CTNNBL1: variants seen among roughly 807,000 people sequenced by gnomAD.
The protein encoded by CTNNBL1 is beta-catenin-like protein 1.
In CTNNBL1, 31 loss-of-function variants were observed where a neutral mutation model predicts 72.7. The ratio of observed to expected loss-of-function variants is 0.43; its 90% CI spans 0.32 to 0.58. CTNNBL1 has a LOEUF of 0.58. Among genes scored for constraint, CTNNBL1 ranks in the 20% least tolerant of loss-of-function variants. CTNNBL1 has a pLI of 0.08. For synonymous variants in CTNNBL1, 240 were observed against 267.3 expected, an observed-to-expected ratio of 0.90 and a Z score of 1.00; for missense variants, 534 against 725.1, an observed-to-expected ratio of 0.74 and a Z score of 3.03.
chr20:37,746,716 G>A, intron 4 of CTNNBL1, 109 bp downstream of exon 4: 6 of 1,334,964 alleles, frequency 4.5e-6, no homozygotes, highest in Non-Finnish European at 6.5e-6. Flanking sequence ...CTGATGTTCT[G>A]TTTCCATTCT....
intron 6 of CTNNBL1, 28 bp from the exon 7 acceptor site, chr20:37,767,925 C>T (rs1336088141): frequency 1.3e-6 from 2 of 1,597,074 alleles, no homozygotes. Context: ...GTTGTCCTCC[C>T]AAATGACTGG....
At chr20:37,784,267 G>A (rs1444485002) in intron 10 of CTNNBL1, among the ~76,000 whole-genome samples, 2 of 152,046 alleles carry the variant, frequency 1.3e-5, no homozygotes, top group African/African-American at 2.4e-5. Flanking sequence ...TTTCTTGTAG[G>A]CAATGGATTG....
At position 37,702,382 on chromosome 20, in the gene CTNNBL1, GGTT is replaced by G. The variant is rs538266581; in HGVS notation, c.30+8242_30+8244del. Among the ~76,000 whole-genome samples the G allele has an allele frequency of 2.0e-4, 30 of 152,092 alleles. No homozygotes were observed. The South Asian group carries it at 5.4e-3, about 27-fold the overall frequency. On this transcript the variant is annotated intron_variant, in intron 1 of 15. Transcript: ENST00000361383. ...AGTTTTTCTGTTATATGGGTTTTTTGGTTGTTGTTGTTGTGTGTATAAGAAACA... is the reference window on the plus strand; with the variant it reads ...AGTTTTTCTGTTATATGGGTTTTTTGGTTGTTGTTGTGTGTATAAGAAACA...
intron 13 of CTNNBL1, among the ~76,000 whole-genome samples, chr20:37,854,591 T>TATTATG (rs1198742097): frequency 6.0e-5 from 8 of 133,626 alleles, no homozygotes; most frequent in Non-Finnish European, 1.3e-4. Context: ...TTATTATTAT[T>TATTATG]ATTATTATTA....
chr20:37,797,752 G>A (rs1423172884), intron 10 of CTNNBL1, among the ~76,000 whole-genome samples: 4 of 152,108 alleles, frequency 2.6e-5, no homozygotes, highest in Non-Finnish European at 5.9e-5. Flanking sequence ...ACTGTGGCAA[G>A]CATAATCTTT....
intron 11 of CTNNBL1, among the ~76,000 whole-genome samples, chr20:37,833,755 G>T (rs528596229): frequency 6.6e-6 from 1 of 152,306 alleles, no homozygotes; most frequent in South Asian, 2.1e-4. Flanking sequence ...TTGGCCAGCA[G>T]ATAAACCTGT....
At chr20:37,841,112 G>C (rs4811194) in intron 12 of CTNNBL1, among the ~76,000 whole-genome samples, 120,598 of 152,240 alleles carry the variant, frequency 0.79, 47,885 homozygotes, top group Middle Eastern at 0.89. Context: ...TGCATATATT[G>C]TTACAACACT....
chr20:37,781,365 C>T (rs1003484877), intron 10 of CTNNBL1, among the ~76,000 whole-genome samples: 1 of 152,102 alleles, frequency 6.6e-6, no homozygotes, highest in Non-Finnish European at 1.5e-5. Context: ...TATATTTCTG[C>T]AGCATATGGC....
At chr20:37,773,197 C>G (rs2073541083) in intron 7 of CTNNBL1, among the ~76,000 whole-genome samples, 2 of 152,164 alleles carry the variant, frequency 1.3e-5, no homozygotes, top group South Asian at 4.1e-4. Flanking sequence ...TTCTTAGCCT[C>G]TATGACCAGA....
intron 15 of CTNNBL1, among the ~76,000 whole-genome samples, chr20:37,862,469 C>A (rs1388120041): frequency 1.3e-5 from 2 of 152,206 alleles, no homozygotes; most frequent in Non-Finnish European, 2.9e-5. Flanking sequence ...AACCCTGCCA[C>A]ACACACCCTA....
intron 13 of CTNNBL1, among the ~76,000 whole-genome samples, chr20:37,858,793 A>G (rs995749834): frequency 6.6e-6 from 1 of 152,118 alleles, no homozygotes; most frequent in African/African-American, 2.4e-5. Flanking sequence ...CAAGTCTGAG[A>G]GGTCTAGGGT....
intron 10 of CTNNBL1, among the ~76,000 whole-genome samples, chr20:37,785,942 C>G (rs1243300151): frequency 6.6e-6 from 1 of 152,228 alleles, no homozygotes; most frequent in Non-Finnish European, 1.5e-5. Context: ...TCTTTGGTCA[C>G]AGCAGCTGTG....
chr20:37,834,623 T>C (rs1210274664), intron 11 of CTNNBL1, among the ~76,000 whole-genome samples: 3 of 152,202 alleles, frequency 2.0e-5, no homozygotes, highest in African/African-American at 7.2e-5. Flanking sequence ...GCATTGATGA[T>C]TGCCTTTTAT....
In CTNNBL1 at chr20:37,694,077, C is replaced by G. The variant is rs753342359; in HGVS notation, c.-46C>G. ...GAGCCGCGGCTGACGGGCCCGCGGT[C>G]TGGGCGTGAGTGCAGGGAAGTGGAG... On this transcript the variant is annotated 5_prime_UTR_variant, in exon 1 of 16. Transcript: ENST00000361383. The G allele has an allele frequency of 1.3e-6, 2 of 1,593,564 alleles. No individual in the cohort carries two copies. The highest frequency in any genetic ancestry group is 2.3e-5 in the South Asian group (2 of 88,462).
Position 37,797,178 on chromosome 20 carries a change from C to T in CTNNBL1, c.1032-5689C>T, listed in dbSNP as rs187191413. 3.4e-3 allele frequency among the ~76,000 whole-genome samples: 524 copies of T among 152,248 alleles called. 1 individual carries two copies. The highest frequency in any genetic ancestry group is 5.5e-3 in the Non-Finnish European group (373 of 68,028). Reference sequence around the variant, plus strand: ...GCTGTGGTCCTATTGATCTTACTGTCTAATTCATAGAAATCCTGAATCCTG... The same window carrying T: ...GCTGTGGTCCTATTGATCTTACTGTTTAATTCATAGAAATCCTGAATCCTG... On this transcript the variant is annotated intron_variant, in intron 10 of 15. Transcript: ENST00000361383.
At chr20:37,712,437 T>G (rs2122560824) in intron 1 of CTNNBL1, among the ~76,000 whole-genome samples, 1 of 152,312 alleles carries the variant, frequency 6.6e-6, no homozygotes, top group South Asian at 2.1e-4. Context: ...TGCCCAGATC[T>G]GCTATGGCCA....
chr20:37,701,721 T>C (rs1407433035), intron 1 of CTNNBL1, among the ~76,000 whole-genome samples: 1 of 152,132 alleles, frequency 6.6e-6, no homozygotes, highest in African/African-American at 2.4e-5. Flanking sequence ...GTTCAAAGCA[T>C]AGGGTAAATG....
chr20:37,816,479 G>C lies in CTNNBL1; in HGVS notation c.1213+13431G>C, dbSNP rs114435965. On this transcript the variant is annotated intron_variant, in intron 11 of 15. Transcript: ENST00000361383. ...AGGTTCTGTGACTTGAGTGTCGTTT[G>C]TTCTCTGAACCTCAGTTTCCTCACC... Among the ~76,000 whole-genome samples, 276 of 152,306 alleles carry C rather than the reference G, an allele frequency of 1.8e-3. 1 individual carries two copies. The highest frequency in any genetic ancestry group is 6.3e-3 in the African/African-American group (261 of 41,574).
At chr20:37,855,641 T>C (rs556382273) in intron 13 of CTNNBL1, among the ~76,000 whole-genome samples, 8 of 152,302 alleles carry the variant, frequency 5.3e-5, no homozygotes, top group African/African-American at 1.9e-4. Context: ...CTTCCAGCTA[T>C]GCACTCTACC....
Sources: allele counts gnomAD v4.1 joint callset (sites outside exome capture counted in the v4.1 genomes callset), GRCh38; gene constraint gnomAD v4.1.1; transcripts MANE v1.5; gene names NCBI Gene and HGNC (gene_info 2026-07-23, HGNC 2026-07-21).